The following CPNE4 variants were observed in gnomAD, a reference collection of about 807,000 sequenced individuals.
CPNE4 encodes the protein copine 4, also known as copine-4.
CPNE4 carries 25 observed loss-of-function variants against 67.9 expected under a neutral mutation model. The observed-to-expected ratio is 0.37, with a 90% CI of 0.27 to 0.51. The LOEUF is 0.51. Among genes scored for constraint, CPNE4 ranks in the 20% least tolerant of loss-of-function variants. The pLI is 0.93. For synonymous variants in CPNE4, 242 were observed against 244.9 expected, an observed-to-expected ratio of 0.99 and a Z score of 0.11; for missense variants, 464 against 690.8, an observed-to-expected ratio of 0.67 and a Z score of 3.68.
intron 2 of CPNE4, among the ~76,000 whole-genome samples, chr3:131,801,471 T>C (rs2084126985): frequency 7.3e-6 from 1 of 136,458 alleles, no homozygotes; most frequent in Non-Finnish European, 1.6e-5. Flanking sequence ...TATATATATA[T>C]ATATATAATA....
chr3:131,630,247 T>A lies in CPNE4; in HGVS notation c.681+39428A>T, dbSNP rs1442556917. On this transcript the variant is annotated intron_variant, in intron 7 of 15. Transcript: ENST00000429747. The stretch of plus-strand genomic sequence containing the variant: ...GATGATCAGATCTACTGTCACAGTA[T>A]CACACTGTTTTTGTACAAGTAACTT... Among the ~76,000 whole-genome samples, 10 of 152,316 alleles carry A rather than the reference T, an allele frequency of 6.6e-5. No individual in the cohort carries two copies. In the East Asian group the frequency reaches 1.9e-3, roughly 29 times the overall value.
chr3:131,736,611 CAAAAAA>C (rs71136406), intron 2 of CPNE4, among the ~76,000 whole-genome samples: 2 of 82,128 alleles, frequency 2.4e-5, no homozygotes, highest in African/African-American at 1.1e-4. Context: ...AAGACTGTCT[CAAAAAA>C]AAAAAAAAAA....
intron 4 of CPNE4, among the ~76,000 whole-genome samples, chr3:131,698,367 G>A (rs59299327): frequency 0.14 from 20,807 of 151,688 alleles, 1,647 homozygotes; most frequent in African/African-American, 0.2. Context: ...AAGAACCATA[G>A]CAAATTCATA....
intron 2 of CPNE4, among the ~76,000 whole-genome samples, chr3:131,765,407 G>A (rs910521463): frequency 9.9e-5 from 15 of 152,212 alleles, no homozygotes; most frequent in Non-Finnish European, 2.1e-4. Context: ...GACTAATGGC[G>A]TTGCTTATCA....
Position 131,901,595 on chromosome 3 carries a change from G to A in CPNE4, c.180+3669C>T, listed in dbSNP as rs140589334. ...ATGATGGCTCACACCTGTAATTCCA[G>A]CACTTTGGGAGGCTGAGGCAGGTTG... On this transcript the variant is annotated intron_variant, in intron 2 of 15. Transcript: ENST00000429747. 2.8e-3 allele frequency among the ~76,000 whole-genome samples: 420 copies of A among 152,090 alleles called. 2 individuals carry two copies. Among genetic ancestry groups the A allele is most frequent in the African/African-American group, 9.6e-3 (397 of 41,504 alleles).
At chr3:131,553,325 C>T (rs1395254295) in intron 12 of CPNE4, among the ~76,000 whole-genome samples, 1 of 152,198 alleles carries the variant, frequency 6.6e-6, no homozygotes, top group African/African-American at 2.4e-5. Context: ...ATCGGTGATG[C>T]TCTCAGTGCT....
intron 1 of CPNE4, among the ~76,000 whole-genome samples, chr3:132,026,608 C>T (rs919441040): frequency 1.3e-5 from 2 of 152,154 alleles, no homozygotes; most frequent in Admixed American, 1.3e-4. Context: ...ACAGAATATA[C>T]ACTTCTAGTG....
At chr3:131,990,318 T>C (rs2073148468) in intron 1 of CPNE4, among the ~76,000 whole-genome samples, 1 of 136,700 alleles carries the variant, frequency 7.3e-6, no homozygotes, top group African/African-American at 2.5e-5. Context: ...TAAAAAATTA[T>C]TGGTTCAAGG....
chr3:131,763,167 T>A (rs774187789), intron 2 of CPNE4, among the ~76,000 whole-genome samples: 13 of 152,246 alleles, frequency 8.5e-5, no homozygotes, highest in Non-Finnish European at 1.8e-4. Flanking sequence ...TTTATCCTCT[T>A]GCACAATGAG....
intron 1 of CPNE4, among the ~76,000 whole-genome samples, chr3:131,961,644 C>A (rs967619482): frequency 9.9e-5 from 15 of 152,284 alleles, no homozygotes; most frequent in African/African-American, 3.1e-4. Context: ...ACTCTCCTAT[C>A]CCTGCTCTGT....
At chr3:131,539,238 G>C (rs1398367863) in intron 15 of CPNE4, among the ~76,000 whole-genome samples, 1 of 152,188 alleles carries the variant, frequency 6.6e-6, no homozygotes, top group Non-Finnish European at 1.5e-5. Flanking sequence ...TCACAGAGCA[G>C]CCAGAGAATC....
chr3:131,645,284 T>C (rs554847775), intron 7 of CPNE4, among the ~76,000 whole-genome samples: 2 of 152,318 alleles, frequency 1.3e-5, no homozygotes, highest in South Asian at 4.1e-4. Context: ...GCATCTTTTA[T>C]GTTTGGCCAT....
rs931796285 is a variant in CPNE4, at chr3:131,570,681, T to C, written c.927+4390A>G. ...CTCTAGAGTTCTTATGACTTAAGGATTCATGTGAGGTACAAGGACTGTCTT... is the reference window on the plus strand; with the variant it reads ...CTCTAGAGTTCTTATGACTTAAGGACTCATGTGAGGTACAAGGACTGTCTT... On this transcript the variant is annotated intron_variant, in intron 10 of 15. Coordinates refer to ENST00000429747, the MANE Select transcript of CPNE4 (RefSeq NM_130808.3). Among the ~76,000 whole-genome samples the C allele has an allele frequency of 4.6e-5, 7 of 152,144 alleles. No individual in the cohort carries two copies. The East Asian group carries it at 1.4e-3, about 30-fold the overall frequency.
intron 7 of CPNE4, among the ~76,000 whole-genome samples, chr3:131,653,301 C>A (rs1355520219): frequency 6.6e-6 from 1 of 151,280 alleles, no homozygotes; most frequent in South Asian, 2.1e-4. Flanking sequence ...CTTGCCACCA[C>A]GCCTGGCTAA....
intron 9 of CPNE4, among the ~76,000 whole-genome samples, chr3:131,580,137 C>T (rs984122878): frequency 1.3e-5 from 2 of 152,118 alleles, no homozygotes; most frequent in East Asian, 1.9e-4. Context: ...CCATCAATAT[C>T]CAGATAAGGT....
chr3:131,817,236 T>G (rs187184416), intron 2 of CPNE4, among the ~76,000 whole-genome samples: 46 of 152,250 alleles, frequency 3.0e-4, no homozygotes, highest in Admixed American at 3.0e-3. Flanking sequence ...AGCCGTGATG[T>G]GCAGTTTGCG....
intron 7 of CPNE4, among the ~76,000 whole-genome samples, chr3:131,653,143 CTTTTTTT>C (rs1206489252): frequency 3.9e-4 from 38 of 98,616 alleles, no homozygotes; most frequent in African/African-American, 1.6e-3. Flanking sequence ...GATAGGACTT[CTTTTTTT>C]TTTTTTTTTT....
At chr3:131,792,046 A>G (rs571747662) in intron 2 of CPNE4, among the ~76,000 whole-genome samples, 5 of 152,256 alleles carry the variant, frequency 3.3e-5, no homozygotes, top group Non-Finnish European at 7.4e-5. Flanking sequence ...ATGCCTATGT[A>G]TTTCCTGGCA....
At chr3:131,919,092 A>G (rs1313979152) in intron 1 of CPNE4, among the ~76,000 whole-genome samples, 2 of 152,184 alleles carry the variant, frequency 1.3e-5, no homozygotes, top group African/African-American at 2.4e-5. Flanking sequence ...TGGAAGGTCT[A>G]CTCTAAATAA....
Sources: allele counts gnomAD v4.1 joint callset (sites outside exome capture counted in the v4.1 genomes callset), GRCh38; gene constraint gnomAD v4.1.1; transcripts MANE v1.5; gene names NCBI Gene and HGNC (gene_info 2026-07-23, HGNC 2026-07-21).